IFT74: variants seen among roughly 807,000 people sequenced by gnomAD.
IFT74 encodes the protein intraflagellar transport 74.
A neutral mutation model predicts 96.7 loss-of-function variants in IFT74; 92 were observed. The observed-to-expected ratio is 0.95, with a 90% CI of 0.80 to 1.13. The LOEUF is 1.13. Ranked by LOEUF, IFT74 falls within the 50% of genes most tolerant of loss-of-function variation. The probability of loss-of-function intolerance (pLI) is 0.00; values close to 1 mark genes in which losing one functional copy is unlikely to be tolerated. For missense variants in IFT74, 811 were observed against 698.2 expected (o/e 1.16, Z -1.82); for synonymous variants, 223 against 213.2 (o/e 1.05, Z -0.40).
Position 27,013,572 on chromosome 9 carries a change from A to G in IFT74, c.789+1604A>G, listed in dbSNP as rs540477939. 1.1e-4 allele frequency among the ~76,000 whole-genome samples: 17 copies of G among 152,340 alleles called. No individual in the cohort carries two copies. The South Asian group carries it at 1.4e-3, about 13-fold the overall frequency. On this transcript the variant is annotated intron_variant, in intron 10 of 19. Coordinates refer to ENST00000380062, the MANE Select transcript of IFT74 (RefSeq NM_025103.4). ...CCTGCATTCACTGACAGCAAATATTATCTGACTTTTCCAGTTTTAGCTATT... is the reference window on the plus strand; with the variant it reads ...CCTGCATTCACTGACAGCAAATATTGTCTGACTTTTCCAGTTTTAGCTATT...
At chr9:26,972,359 G>A (rs1826917414) in intron 2 of IFT74, among the ~76,000 whole-genome samples, 1 of 152,144 alleles carries the variant, frequency 6.6e-6, no homozygotes, top group Admixed American at 6.5e-5. Flanking sequence ...CACTGCTCTA[G>A]CTGCAATGGA....
intron 11 of IFT74, 97 bp downstream of exon 11, chr9:27,017,147 A>G (rs946153900): frequency 5.5e-6 from 5 of 913,444 alleles, no homozygotes; most frequent in African/African-American, 5.0e-5. Context: ...TAGTAAAGCT[A>G]GTAAGTGTAT....
intron 14 of IFT74, among the ~76,000 whole-genome samples, chr9:27,046,670 T>C (rs1262734588): frequency 6.6e-6 from 1 of 152,212 alleles, no homozygotes; most frequent in Non-Finnish European, 1.5e-5. Context: ...AGGGTGTTAA[T>C]AATTATTGAT....
intron 2 of IFT74, among the ~76,000 whole-genome samples, chr9:26,964,000 G>A (rs62542661): frequency 0.063 from 9,449 of 151,010 alleles, 340 homozygotes; most frequent in Middle Eastern, 0.15. Context: ...GGCTTTTGTT[G>A]CCATTGCTTT....
At chr9:27,011,188 G>T (rs984329952) in intron 9 of IFT74, among the ~76,000 whole-genome samples, 2 of 152,080 alleles carry the variant, frequency 1.3e-5, no homozygotes, top group African/African-American at 4.8e-5. Flanking sequence ...GGAGGCGGAG[G>T]TTGCAGTGAG....
intron 8 of IFT74, among the ~76,000 whole-genome samples, chr9:27,002,300 A>G (rs1005020103): frequency 6.6e-6 from 1 of 152,198 alleles, no homozygotes; most frequent in Non-Finnish European, 1.5e-5. Flanking sequence ...ATGCGGGTCC[A>G]TGTGAAGAGA....
chr9:27,036,494 A>G, intron 13 of IFT74: 2 of 1,613,858 alleles, frequency 1.2e-6, no homozygotes, highest in South Asian at 2.2e-5. Context: ...AAATACAGGA[A>G]GTTTCAAAAA....
chr9:26,961,801 T>C, intron 1 of IFT74, 148 bp from the exon 2 acceptor site: 1 of 659,256 alleles, frequency 1.5e-6, no homozygotes, highest in Non-Finnish European at 2.5e-6. Flanking sequence ...CACGATGTCA[T>C]ATTTGAACAA....
chr9:26,957,807 T>C (rs919061453), intron 1 of IFT74, among the ~76,000 whole-genome samples: 1 of 152,150 alleles, frequency 6.6e-6, no homozygotes, highest in African/African-American at 2.4e-5. Flanking sequence ...GCCTTTTTTT[T>C]TTTTGAGACG....
In IFT74 at chr9:26,991,207, T is replaced by C. The variant is rs143095078; in HGVS notation, c.587+1012T>C. On this transcript the variant is annotated intron_variant, in intron 8 of 19. Coordinates refer to ENST00000380062, the MANE Select transcript of IFT74 (RefSeq NM_025103.4). ...TTGAAAGATAAATGTAATTCTTCTA[T>C]TGATTAAAAACAAGAATCTCTTTTC... Among the ~76,000 whole-genome samples the C allele has an allele frequency of 2.5e-3, 386 of 152,336 alleles. 4 individuals carry two copies. The highest frequency in any genetic ancestry group is 8.8e-3 in the African/African-American group (367 of 41,570).
At chr9:26,999,498 C>G in intron 8 of IFT74, 1 of 727,568 alleles carries the variant, frequency 1.4e-6, no homozygotes, top group Non-Finnish European at 2.2e-6. Flanking sequence ...TAAATAAACT[C>G]TTAATTTTAG....
chr9:27,015,886 A>G (rs1829319639), intron 10 of IFT74, among the ~76,000 whole-genome samples: 1 of 152,228 alleles, frequency 6.6e-6, no homozygotes, highest in African/African-American at 2.4e-5. Flanking sequence ...ACAGATGCTC[A>G]GTAAACAAGA....
At chr9:26,957,336 C>G (rs1461656302) in intron 1 of IFT74, among the ~76,000 whole-genome samples, 1 of 152,204 alleles carries the variant, frequency 6.6e-6, no homozygotes, top group East Asian at 1.9e-4. Context: ...AGAGTAATAT[C>G]TTTTCCACTG....
intron 1 of IFT74, among the ~76,000 whole-genome samples, chr9:26,948,452 T>TATTATTATTATTA (rs1563926469): frequency 1.2e-4 from 4 of 33,822 alleles, no homozygotes; most frequent in Non-Finnish European, 9.2e-5. Flanking sequence ...TCCATTATTT[T>TATTATTATTATTA]TTTTTTTTTT....
chr9:26,978,234 G>A lies in IFT74; in HGVS notation c.227G>A (p.Gly76Asp). 1 of 1,613,252 alleles carries A rather than the reference G, an allele frequency of 6.2e-7. No individual in the cohort carries two copies. Among genetic ancestry groups the A allele is most frequent in the Non-Finnish European group, 8.5e-7 (1 of 1,179,824 alleles). The change falls in exon 3 of 20, where the codon GGT becomes GAT. Residue 76 changes from glycine (G) to aspartate (D), a missense_variant. Physicochemically the swap from Gly to Asp is moderately conservative, Grantham distance 94. Coordinates refer to ENST00000380062, the MANE Select transcript of IFT74 (RefSeq NM_025103.4). ...KVAHRPVTQQGLTGMKTGTKG... is the reference protein window; with the variant it reads ...KVAHRPVTQQDLTGMKTGTKG... The stretch of plus-strand genomic sequence containing the variant: ...GCCCATCGCCCTGTAACACAACAAG[G>A]TTTGACTGGAATGAAAACTGGGACG...
At chr9:26,988,491 T>G (rs1221745623) in intron 6 of IFT74, among the ~76,000 whole-genome samples, 178 bp from the exon 7 acceptor site, 1 of 152,380 alleles carries the variant, frequency 6.6e-6, no homozygotes, top group African/African-American at 2.4e-5. Context: ...GTGCATAATA[T>G]ATGCTTACTT....
rs1301195055 is a variant in IFT74 at position 27,065,812 on chromosome 9, AAGATGGACCACT to A, written c.*3080_*3091del. 2.0e-5 allele frequency among the ~76,000 whole-genome samples: 3 copies of A among 152,236 alleles called. No individual in the cohort carries two copies. Among genetic ancestry groups the A allele is most frequent in the Non-Finnish European group, 2.9e-5 (2 of 68,034 alleles). ...TTTAGACTCAAAGTAAGAAGAAATA[AAGATGGACCACT>A]AGAGAATTGTAGTAATCTATTTTTA... On this transcript the variant is annotated 3_prime_UTR_variant, in exon 20 of 20. Coordinates refer to ENST00000380062, the MANE Select transcript of IFT74 (RefSeq NM_025103.4).
chr9:26,976,773 T>C, intron 2 of IFT74: 1 of 456,120 alleles, frequency 2.2e-6, no homozygotes, highest in Non-Finnish European at 4.4e-6. Flanking sequence ...TTTTATATCT[T>C]CTCATGCCTG....
chr9:26,979,681 A>G (rs1010594341), intron 3 of IFT74, among the ~76,000 whole-genome samples: 1 of 146,536 alleles, frequency 6.8e-6, no homozygotes, highest in Admixed American at 6.9e-5. Flanking sequence ...AAGGTTTGAG[A>G]CATTTAACCT....
Sources: allele counts gnomAD v4.1 joint callset (sites outside exome capture counted in the v4.1 genomes callset), GRCh38; gene constraint gnomAD v4.1.1; transcripts MANE v1.5; gene names NCBI Gene and HGNC (gene_info 2026-07-23, HGNC 2026-07-21).